The following THOP1 variants were observed in gnomAD, a reference collection of about 807,000 sequenced individuals.
THOP1 encodes the protein thimet oligopeptidase.
A neutral mutation model predicts 71.8 loss-of-function variants in THOP1; 49 were observed. The observed-to-expected ratio is 0.68, with a 90% CI of 0.54 to 0.87. The LOEUF (loss-of-function observed/expected upper bound fraction) is 0.87, where lower values mean the gene tolerates loss of function less well. THOP1 is among the 40% of genes least tolerant of loss of function. The pLI is 0.00. For synonymous variants in THOP1, 426 were observed against 421.5 expected, an observed-to-expected ratio of 1.01 and a Z score of -0.13; for missense variants, 843 against 975.6, an observed-to-expected ratio of 0.86 and a Z score of 1.81.
chr19:2,812,497 C>A, intron 12 of THOP1: 1 of 1,148,192 alleles, frequency 8.7e-7, no homozygotes, highest in Non-Finnish European at 1.2e-6. Flanking sequence ...CCTCCCCCCT[C>A]CTGAGGCAGC....
chr19:2,810,700 C>T lies in THOP1; in HGVS notation c.1703C>T (p.Thr568Met), dbSNP rs375742224. The change falls in exon 11 of 13, where the codon ACG becomes ATG. Residue 568 changes from threonine (T) to methionine (M), a missense_variant. Physicochemically the swap from Thr to Met is moderately conservative, Grantham distance 81 (BLOSUM62 -1). Coordinates refer to ENST00000307741, the MANE Select transcript of THOP1 (RefSeq NM_003249.5). ...GTGGACCAGGCCCTGCACACGCAGA[C>T]GGACGCAGACCCCGCCGAGGAGTAT... is the stretch of plus-strand genomic sequence containing the variant. ...AKVDQALHTQTDADPAEEYAR... is the reference protein window; with the variant it reads ...AKVDQALHTQMDADPAEEYAR... 57 of 1,577,614 alleles carry T rather than the reference C, an allele frequency of 3.6e-5. No individual in the cohort carries two copies. Among genetic ancestry groups the T allele is most frequent in the South Asian group, 4.6e-5 (4 of 86,676 alleles).
intron 2 of THOP1, among the ~76,000 whole-genome samples, chr19:2,792,136 G>T (rs568791907): frequency 6.6e-6 from 1 of 152,112 alleles, no homozygotes; most frequent in Non-Finnish European, 1.5e-5. Flanking sequence ...TTGTCTAATC[G>T]GTCGCCCGTA....
At chr19:2,788,216 G>A (rs571922472) in intron 1 of THOP1, among the ~76,000 whole-genome samples, 1 of 152,304 alleles carries the variant, frequency 6.6e-6, no homozygotes, top group South Asian at 2.1e-4. Context: ...TTTGCAGGTG[G>A]GAAGCCTGAG....
At chr19:2,812,167 G>A (rs781747049) in intron 12 of THOP1, 59 of 1,480,736 alleles carry the variant, frequency 4.0e-5, no homozygotes, top group South Asian at 3.3e-4. Context: ...AAGGCTTGGC[G>A]TTTGCCATTC....
At chr19:2,795,707 A>T (rs913691256) in intron 3 of THOP1, among the ~76,000 whole-genome samples, 1 of 152,212 alleles carries the variant, frequency 6.6e-6, no homozygotes, top group Non-Finnish European at 1.5e-5. Flanking sequence ...AGAGGTTCCC[A>T]TGCAGGTGCA....
Position 2,785,599 on chromosome 19 carries a change from C to T in THOP1, c.-64C>T. On this transcript the variant is annotated 5_prime_UTR_variant, in exon 1 of 13. The change creates a premature stop within an existing upstream ORF in the 5' untranslated region. Coordinates refer to ENST00000307741, the MANE Select transcript of THOP1 (RefSeq NM_003249.5). ...GGCCGAGGCAGGCGGCCTCAGTGGC[C>T]GAGGTGGCTGGACGCGTAGCAGGTG... is the stretch of plus-strand genomic sequence containing the variant. 6.7e-7 allele frequency: 1 copy of T among 1,484,846 alleles called. No homozygotes were observed. The highest frequency in any genetic ancestry group is 8.9e-7 in the Non-Finnish European group (1 of 1,117,872). The allele number at this position is 1,484,846 out of a possible 1,614,324, so 92.0% of individuals were successfully genotyped here.
intron 4 of THOP1, among the ~76,000 whole-genome samples, chr19:2,798,477 G>A (rs895599587): frequency 4.6e-5 from 7 of 152,168 alleles, no homozygotes; most frequent in African/African-American, 1.7e-4. Context: ...GAAAAGGTGC[G>A]AGGTCCGGAT....
chr19:2,796,342 C>T (rs911757729), intron 4 of THOP1, among the ~76,000 whole-genome samples, 154 bp downstream of exon 4: 1 of 141,562 alleles, frequency 7.1e-6, no homozygotes, highest in Non-Finnish European at 1.5e-5. Context: ...TCAGGGAGTG[C>T]TTGGGGCATC....
chr19:2,812,309 GC>G, intron 12 of THOP1: 2 of 1,535,466 alleles, frequency 1.3e-6, no homozygotes, highest in Non-Finnish European at 1.7e-6. Context: ...GGAACAGGTG[GC>G]TACCAGCTTT....
chr19:2,791,970 C>T (rs1241318102), intron 2 of THOP1, among the ~76,000 whole-genome samples: 2 of 152,164 alleles, frequency 1.3e-5, no homozygotes, highest in African/African-American at 4.8e-5. Flanking sequence ...GCCGGCCCCT[C>T]GCGCCCCTCG....
Position 2,799,760 on chromosome 19 carries a change from G to A in THOP1, c.558G>A (p.Thr186=), listed in dbSNP as rs1916102860. 2.5e-6 allele frequency: 4 copies of A among 1,613,740 alleles called. No homozygotes were observed. The highest frequency in any genetic ancestry group is 1.1e-5 in the South Asian group (1 of 91,070). The part of the protein sequence containing the change: ...IDFNKNLNED[T]TFLPFTLQEL... ...TCAACAAGAACCTGAACGAGGACACGACCTTCCTGCCCTTCACGCTCCAGG... is the reference window on the plus strand; with the variant it reads ...TCAACAAGAACCTGAACGAGGACACAACCTTCCTGCCCTTCACGCTCCAGG... The change falls in exon 5 of 13, where the codon ACG becomes ACA. Residue 186 remains threonine, a synonymous_variant. Coordinates refer to ENST00000307741, the MANE Select transcript of THOP1 (RefSeq NM_003249.5).
rs1162382788 is a variant in THOP1, at chr19:2,807,605, C to T, written c.1050C>T (p.Cys350=). 5 of 1,612,646 alleles carry T rather than the reference C, an allele frequency of 3.1e-6. No homozygotes were observed. Among genetic ancestry groups the T allele is most frequent in the South Asian group, 2.2e-5 (2 of 91,072 alleles). The change falls in exon 8 of 13, where the codon TGC becomes TGT. Residue 350 remains cysteine, a synonymous_variant. Coordinates refer to ENST00000307741, the MANE Select transcript of THOP1 (RefSeq NM_003249.5). The stretch of plus-strand genomic sequence containing the variant: ...ACCAGGTGGAGGAGACGCGCTACTG[C>T]GTGGACCAGAACCTGCTCAAGGAGT... ...YMNQVEETRY[C]VDQNLLKEYF...
intron 12 of THOP1, among the ~76,000 whole-genome samples, chr19:2,812,569 C>A (rs1393190450): frequency 2.6e-5 from 4 of 152,190 alleles, no homozygotes; most frequent in African/African-American, 9.7e-5. Context: ...CGGCCGGGGG[C>A]TGTAGAGGTG....
chr19:2,790,676 G>T, intron 2 of THOP1, 43 bp downstream of exon 2: 1 of 1,475,270 alleles, frequency 6.8e-7, no homozygotes, highest in South Asian at 1.4e-5. Flanking sequence ...CAGGTGCCGA[G>T]GGAGGTGGCA....
rs563435859 is a variant in THOP1, at chr19:2,813,025, C to A, written c.1909-90C>A. 10 of 1,439,542 alleles carry A rather than the reference C, an allele frequency of 6.9e-6. No homozygotes were observed. In the African/African-American group the frequency reaches 7.2e-5, roughly 10 times the overall value. The allele number at this position is 1,439,542 out of a possible 1,614,324, so 89.2% of individuals were successfully genotyped here. A position where few individuals can be genotyped will look rare whatever the true frequency, so the allele number is the denominator to read the frequency against. ...GAACCTGGAAGGGGTTGCTCCGAGG[C>A]CCCCCTGGGCGAGGGTGTGCAGACT... On this transcript the variant is annotated intron_variant, in intron 12 of 12. Coordinates refer to ENST00000307741, the MANE Select transcript of THOP1 (RefSeq NM_003249.5).
At chr19:2,802,785 C>T (rs959936179) in intron 5 of THOP1, among the ~76,000 whole-genome samples, 3 of 152,192 alleles carry the variant, frequency 2.0e-5, no homozygotes, top group Non-Finnish European at 2.9e-5. Flanking sequence ...GCCGTGACTC[C>T]GAACCTTCCC....
chr19:2,794,717 A>G, intron 2 of THOP1, 47 bp from the exon 3 acceptor site: 1 of 1,583,094 alleles, frequency 6.3e-7, no homozygotes, highest in Non-Finnish European at 8.6e-7. Context: ...TGCCAGTTGT[A>G]CTGGGGCCTG....
chr19:2,799,313 A>C (rs544390952), intron 4 of THOP1, among the ~76,000 whole-genome samples: 16 of 152,338 alleles, frequency 1.1e-4, no homozygotes, highest in African/African-American at 3.4e-4. Context: ...CAACAGAGCG[A>C]GTCCCTGTCT....
intron 4 of THOP1, among the ~76,000 whole-genome samples, chr19:2,797,959 T>A (rs1012430780): frequency 1.3e-5 from 2 of 152,198 alleles, no homozygotes; most frequent in Non-Finnish European, 2.9e-5. Flanking sequence ...TCCGTCTCAG[T>A]ACTCGGGGAC....
Sources: allele counts gnomAD v4.1 joint callset (sites outside exome capture counted in the v4.1 genomes callset), GRCh38; gene constraint gnomAD v4.1.1; transcripts MANE v1.5; gene names NCBI Gene and HGNC (gene_info 2026-07-23, HGNC 2026-07-21).